Variants in C4BPB observed in about 807,000 individuals in gnomAD.
C4BPB encodes the protein complement component 4 binding protein beta.
C4BPB carries 19 observed loss-of-function variants against 26.6 expected under a neutral mutation model. The observed-to-expected ratio is 0.71, with a 90% CI of 0.50 to 1.05. C4BPB has a LOEUF of 1.05. Ranked by LOEUF, C4BPB falls within the 50% of genes least tolerant of loss-of-function variation. The pLI is 0.00. For missense variants in C4BPB, 282 were observed against 302.9 expected, an observed-to-expected ratio of 0.93 and a Z score of 0.51; for synonymous variants, 118 against 103.5, an observed-to-expected ratio of 1.14 and a Z score of -0.85.
In C4BPB at chr1:207,091,723, G is replaced by A. The variant is rs144805017; in HGVS notation, c.312G>A (p.Thr104=). 127 of 1,614,014 alleles carry A rather than the reference G, an allele frequency of 7.9e-5. No individual in the cohort carries two copies. Among genetic ancestry groups the A allele is most frequent in the Middle Eastern group, 3.3e-4 (2 of 6,046 alleles). ...SGPVNVSDKI[T]FMCNDHYILK... is the part of the protein sequence containing the mutation. The stretch of plus-strand genomic sequence containing the variant: ...CTGTGAATGTAAGTGACAAAATCAC[G>A]TTTATGTGCAATGACCACTACATCC... The change falls in exon 4 of 7, where the codon ACG becomes ACA. Residue 104 remains threonine (T), a synonymous_variant. Transcript: ENST00000367078.
At chr1:207,090,178 G>T in intron 2 of C4BPB, 130 bp from the exon 3 acceptor site, 1 of 701,614 alleles carries the variant, frequency 1.4e-6, no homozygotes, top group Non-Finnish European at 2.3e-6. Flanking sequence ...GTAGAATACA[G>T]AGTACTTGGG....
chr1:207,093,948 A>C (rs1684143379), intron 4 of C4BPB, among the ~76,000 whole-genome samples: 1 of 152,218 alleles, frequency 6.6e-6, no homozygotes, highest in South Asian at 2.1e-4. Flanking sequence ...CAATTCCAAA[A>C]TAATGGCCCT....
intron 4 of C4BPB, among the ~76,000 whole-genome samples, chr1:207,092,405 C>T (rs1022710755): frequency 5.9e-5 from 9 of 152,132 alleles, no homozygotes; most frequent in Admixed American, 4.6e-4. Flanking sequence ...ACTTGCTATA[C>T]ATATTTTTAA....
intron 3 of C4BPB, 25 bp downstream of exon 3, chr1:207,090,506 T>C: frequency 6.4e-7 from 1 of 1,572,148 alleles, no homozygotes; most frequent in Non-Finnish European, 8.6e-7. Flanking sequence ...TCTGTATCTT[T>C]GCCCATATTG....
intron 2 of C4BPB, among the ~76,000 whole-genome samples, chr1:207,090,033 A>G (rs886579957): frequency 2.6e-5 from 4 of 152,182 alleles, no homozygotes; most frequent in African/African-American, 9.7e-5. Flanking sequence ...GCACTTTGAG[A>G]GGCCGAGGTG....
chr1:207,095,592 G>A, intron 4 of C4BPB: 1 of 363,812 alleles, frequency 2.7e-6, no homozygotes, highest in Middle Eastern at 9.9e-4. Context: ...GCCTCCCAAA[G>A]TGCTGGGATT....
Position 207,098,177 on chromosome 1 carries a change from G to C in C4BPB, c.531G>C (p.Gln177His), listed in dbSNP as rs752708856. Residue 177 changes from glutamine (Q) to histidine (H), a missense_variant, in exon 6 of 7, where the codon CAG (glutamine) becomes CAC (histidine). Coordinates refer to ENST00000367078, the MANE Select transcript of C4BPB (RefSeq NM_001017365.3). The part of the protein sequence containing the change: ...DRYYLVGVQE[Q>H]QCVDGEWSSA... ...ACTACTTAGTGGGCGTGCAGGAGCA[G>C]CAATGCGTTGATGGGGAGTGGAGCA... is the stretch of plus-strand genomic sequence containing the variant. 4.3e-6 allele frequency: 7 copies of C among 1,614,060 alleles called. No homozygotes were observed. In the South Asian group the frequency reaches 7.7e-5, roughly 18 times the overall value.
At chr1:207,093,041 T>C (rs1317668553) in intron 4 of C4BPB, among the ~76,000 whole-genome samples, 2 of 152,206 alleles carry the variant, frequency 1.3e-5, no homozygotes, top group African/African-American at 4.8e-5. Context: ...ATTTAATATA[T>C]ACTTGGACAC....
chr1:207,094,065 CA>C (rs1345001168), intron 4 of C4BPB, among the ~76,000 whole-genome samples: 3 of 151,960 alleles, frequency 2.0e-5, no homozygotes, highest in African/African-American at 7.3e-5. Flanking sequence ...ATCAGATTAG[CA>C]AAAAATGAAA....
chr1:207,090,544 A>G (rs1211726511), intron 3 of C4BPB, 63 bp downstream of exon 3: 3 of 1,426,832 alleles, frequency 2.1e-6, no homozygotes, highest in Non-Finnish European at 2.9e-6. Context: ...TTCACATCCT[A>G]CTTCCTATAG....
In C4BPB at chr1:207,091,810, C is replaced by A; in HGVS notation, c.399C>A (p.Ile133=). 6.2e-7 allele frequency: 1 copy of A among 1,612,648 alleles called. No homozygotes were observed. Among genetic ancestry groups the A allele is most frequent in the Non-Finnish European group, 8.5e-7 (1 of 1,179,306 alleles). ...EDHTWAPPFP[I]CKSRDCDPPG... is the part of the protein sequence containing the mutation. ...ACACCTGGGCACCTCCCTTTCCCAT[C>A]TGCAAAAGTAGTAAGTACAAGAGAA... The change falls in exon 4 of 7, where the codon ATC becomes ATA. Residue 133 remains isoleucine (I), a synonymous_variant. Transcript: ENST00000367078.
intron 5 of C4BPB, 90 bp from the exon 6 acceptor site, chr1:207,098,060 T>A: frequency 1.0e-6 from 1 of 960,900 alleles, no homozygotes; most frequent in East Asian, 2.4e-5. Context: ...CATCACAGCA[T>A]GAAATACTGA....
chr1:207,091,825 G>A lies in C4BPB; in HGVS notation c.409+5G>A, dbSNP rs1296153548. On this transcript the variant is annotated splice_donor_5th_base_variant and intron_variant, in intron 4 of 6. Transcript: ENST00000367078. Reference sequence around the variant, plus strand: ...CCTTTCCCATCTGCAAAAGTAGTAAGTACAAGAGAAACCATCAAGGATCCC... The same window carrying A: ...CCTTTCCCATCTGCAAAAGTAGTAAATACAAGAGAAACCATCAAGGATCCC... 6.2e-7 allele frequency: 1 copy of A among 1,606,622 alleles called. No individual in the cohort carries two copies. The highest frequency in any genetic ancestry group is 8.5e-7 in the Non-Finnish European group (1 of 1,176,788).
chr1:207,091,910 C>CT (rs1558076264), intron 4 of C4BPB, 90 bp downstream of exon 4: 15 of 1,124,494 alleles, frequency 1.3e-5, no homozygotes, highest in Admixed American at 3.0e-5. Context: ...ATGCTTTTCT[C>CT]TTTTTTTGTA....
intron 6 of C4BPB, among the ~76,000 whole-genome samples, chr1:207,098,936 G>A (rs1366702615): frequency 6.6e-6 from 1 of 152,074 alleles, no homozygotes; most frequent in African/African-American, 2.4e-5. Context: ...ATGAGAGACA[G>A]TGACAGATCA....
At chr1:207,095,047 TTA>T (rs754501702) in intron 4 of C4BPB, 1 of 263,216 alleles carries the variant, frequency 3.8e-6, no homozygotes, top group South Asian at 3.6e-5. Context: ...TAGAAGATTT[TTA>T]TGTTTCAGTA....
rs747812176 is a variant in C4BPB at position 207,091,635 on chromosome 1, C to T, written c.233-9C>T. On this transcript the variant is annotated splice_polypyrimidine_tract_variant and intron_variant, in intron 3 of 6. Transcript: ENST00000367078. ...GCCCTTTCAGCTTATTGCTTATTTT[C>T]TTCTTCAGTGGGCCACTGTCCTGAT... The T allele has an allele frequency of 1.2e-6, 2 of 1,608,686 alleles. No individual in the cohort carries two copies. Among genetic ancestry groups the T allele is most frequent in the South Asian group, 1.1e-5 (1 of 90,416 alleles).
chr1:207,098,116 G>A, intron 5 of C4BPB, 34 bp from the exon 6 acceptor site: 1 of 1,545,710 alleles, frequency 6.5e-7, no homozygotes, highest in Admixed American at 1.7e-5. Flanking sequence ...TTCAGAAAGT[G>A]GAAAAGCTAA....
chr1:207,099,776 T>G lies in C4BPB; in HGVS notation c.619-13T>G. 6.2e-7 allele frequency: 1 copy of G among 1,606,966 alleles called. No individual in the cohort carries two copies. Among genetic ancestry groups the G allele is most frequent in the Non-Finnish European group, 8.5e-7 (1 of 1,177,600 alleles). On this transcript the variant is annotated splice_polypyrimidine_tract_variant and intron_variant, in intron 6 of 6. Transcript: ENST00000367078. ...CCTTATGTTGTAACTTGTGAAAAAT[T>G]TTCTTTCTTCAGCTTGCCTTTCAGG...
Sources: allele counts gnomAD v4.1 joint callset (sites outside exome capture counted in the v4.1 genomes callset), GRCh38; gene constraint gnomAD v4.1.1; transcripts MANE v1.5; gene names NCBI Gene and HGNC (gene_info 2026-07-23, HGNC 2026-07-21).